TAFA2: variants seen among roughly 807,000 people sequenced by gnomAD.
The protein encoded by TAFA2 is TAFA chemokine like family member 2, also known as chemokine-like protein TAFA-2.
In TAFA2, 7 loss-of-function variants were observed where a neutral mutation model predicts 18.8. That is an observed-to-expected ratio of 0.37 (90% CI 0.21 to 0.70). TAFA2 has a LOEUF of 0.70. Ranked by LOEUF, TAFA2 falls within the 30% of genes least tolerant of loss-of-function variation. The pLI is 0.53. For missense variants in TAFA2, 122 were observed against 158.1 expected (o/e 0.77, Z 1.23); for synonymous variants, 60 against 54.2 (o/e 1.11, Z -0.47).
chr12:62,180,524 T>C (rs1337313666), intron 1 of TAFA2, among the ~76,000 whole-genome samples: 1 of 152,204 alleles, frequency 6.6e-6, no homozygotes, highest in Non-Finnish European at 1.5e-5. Context: ...TATTCAACTT[T>C]TTTATAATCT....
rs534077129 is a variant in TAFA2 at position 62,066,672 on chromosome 12, C to G, written c.-2+124587G>C. On this transcript the variant is annotated intron_variant, in intron 1 of 4. Transcript: ENST00000416284. Reference sequence around the variant, plus strand: ...TCATTCTTTTTATGGCTGAATAGTACTTCATTGTGTATGTGTACCACATTT... The same window carrying G: ...TCATTCTTTTTATGGCTGAATAGTAGTTCATTGTGTATGTGTACCACATTT... Among the ~76,000 whole-genome samples, 14 of 152,032 alleles carry G rather than the reference C, an allele frequency of 9.2e-5. No individual in the cohort carries two copies. In the South Asian group the frequency reaches 2.9e-3, roughly 32 times the overall value.
At chr12:61,735,466 C>T (rs970561869) in intron 4 of TAFA2, among the ~76,000 whole-genome samples, 3 of 151,986 alleles carry the variant, frequency 2.0e-5, no homozygotes, top group Non-Finnish European at 2.9e-5. Context: ...ATATACATTA[C>T]ATAAAGATCA....
chr12:62,089,985 G>C (rs1868641305), intron 1 of TAFA2, among the ~76,000 whole-genome samples: 1 of 152,038 alleles, frequency 6.6e-6, no homozygotes, highest in African/African-American at 2.4e-5. Flanking sequence ...ATAACACTGA[G>C]ATGTTATCTT....
chr12:61,827,014 C>A (rs1310816511), intron 2 of TAFA2: 1 of 152,020 alleles, frequency 6.6e-6, no homozygotes, highest in Non-Finnish European at 1.5e-5. Flanking sequence ...ACTTCCCAAT[C>A]TTTAGCTGGG....
intron 2 of TAFA2, among the ~76,000 whole-genome samples, chr12:61,851,625 A>C (rs1873652915): frequency 6.6e-6 from 1 of 151,708 alleles, no homozygotes; most frequent in South Asian, 2.1e-4. Flanking sequence ...TATATAAAAA[A>C]TTAGCTGGGC....
At chr12:62,167,109 T>C (rs754186878) in intron 1 of TAFA2, among the ~76,000 whole-genome samples, 6 of 152,212 alleles carry the variant, frequency 3.9e-5, no homozygotes, top group East Asian at 1.9e-4. Flanking sequence ...GAGTATGTTA[T>C]CAGTTATCTA....
intron 1 of TAFA2, among the ~76,000 whole-genome samples, chr12:61,997,127 G>A (rs989075228): frequency 6.6e-6 from 1 of 150,528 alleles, no homozygotes; most frequent in Non-Finnish European, 1.5e-5. Context: ...ATATGTATAT[G>A]TGTGTGTGTA....
intron 1 of TAFA2, among the ~76,000 whole-genome samples, chr12:62,072,199 T>C (rs1400909878): frequency 1.3e-5 from 2 of 152,042 alleles, no homozygotes; most frequent in African/African-American, 2.4e-5. Flanking sequence ...GCGCGGTGGC[T>C]CACGCCTGTA....
chr12:61,804,358 G>A (rs1425361129), intron 2 of TAFA2, among the ~76,000 whole-genome samples: 1 of 151,880 alleles, frequency 6.6e-6, no homozygotes, highest in Non-Finnish European at 1.5e-5. Flanking sequence ...CATAAATGAA[G>A]ACATTCTGGT....
chr12:62,059,309 C>A (rs1445647403), intron 1 of TAFA2, among the ~76,000 whole-genome samples: 3 of 151,574 alleles, frequency 2.0e-5, no homozygotes, highest in Non-Finnish European at 4.4e-5. Flanking sequence ...AGAAGGATAC[C>A]CAGTCTCTAA....
At chr12:61,762,696 A>T (rs190008604) in intron 2 of TAFA2, among the ~76,000 whole-genome samples, 1 of 151,568 alleles carries the variant, frequency 6.6e-6, no homozygotes, top group Admixed American at 6.6e-5. Context: ...GCCTATAAAA[A>T]AATCAATCTG....
At chr12:62,189,099 G>A (rs901351838) in intron 1 of TAFA2, among the ~76,000 whole-genome samples, 1 of 151,946 alleles carries the variant, frequency 6.6e-6, no homozygotes, top group Admixed American at 6.6e-5. Flanking sequence ...ATCTTTAAGA[G>A]ACACATATCG....
intron 1 of TAFA2, chr12:62,252,652 T>C (rs952607171): frequency 6.6e-6 from 1 of 152,184 alleles, no homozygotes; most frequent in Admixed American, 6.5e-5. Flanking sequence ...AGGGTATTAT[T>C]GTATCTAAGG....
At chr12:62,130,523 T>C (rs1447175680) in intron 1 of TAFA2, among the ~76,000 whole-genome samples, 1 of 151,834 alleles carries the variant, frequency 6.6e-6, no homozygotes, top group Non-Finnish European at 1.5e-5. Flanking sequence ...TGTATGGGGG[T>C]AGGGAAATGA....
chr12:61,810,249 C>A (rs1322639498), intron 2 of TAFA2, among the ~76,000 whole-genome samples: 1 of 150,700 alleles, frequency 6.6e-6, no homozygotes, highest in Non-Finnish European at 1.5e-5. Flanking sequence ...TTAAACCCAG[C>A]TTCCTAAAAT....
chr12:61,933,539 C>T (rs1877647909), intron 1 of TAFA2, among the ~76,000 whole-genome samples: 1 of 151,982 alleles, frequency 6.6e-6, no homozygotes, highest in African/African-American at 2.4e-5. Flanking sequence ...ATAGCAAGAC[C>T]CCATCTCTAC....
chr12:62,211,797 C>A (rs1476277851), intron 1 of TAFA2, among the ~76,000 whole-genome samples: 1 of 152,096 alleles, frequency 6.6e-6, no homozygotes, highest in East Asian at 1.9e-4. Context: ...CAGTGGCTCT[C>A]AACATTTTTA....
intron 1 of TAFA2, among the ~76,000 whole-genome samples, chr12:62,080,941 C>T (rs746126083): frequency 1.2e-4 from 18 of 152,174 alleles, no homozygotes; most frequent in Admixed American, 3.3e-4. Context: ...ACGCCTGTAA[C>T]CCCAGCACTT....
intron 1 of TAFA2, among the ~76,000 whole-genome samples, chr12:62,220,884 G>C (rs1302549809): frequency 6.6e-6 from 1 of 152,042 alleles, no homozygotes; most frequent in Non-Finnish European, 1.5e-5. Flanking sequence ...CGAGGCGGGC[G>C]GATCACGAGG....
Sources: gnomAD v4.1 joint callset for allele counts (sites outside exome capture counted in the v4.1 genomes callset) on GRCh38, gnomAD v4.1.1 for gene constraint, MANE v1.5 for transcripts, NCBI Gene and HGNC (gene_info 2026-07-23, HGNC 2026-07-21) for gene names.